The following ZZZ3 variants were observed in gnomAD, a reference collection of about 807,000 sequenced individuals.
The protein encoded by ZZZ3 is ZZ-type zinc finger-containing protein 3.
Under a neutral mutation model 95.2 loss-of-function variants are expected in ZZZ3, and 22 were observed. That is an observed-to-expected ratio of 0.23 (90% CI 0.17 to 0.33). The LOEUF (loss-of-function observed/expected upper bound fraction) is 0.33, where lower values mean the gene tolerates loss of function less well. Ranked by LOEUF, ZZZ3 falls within the 10% of genes least tolerant of loss-of-function variation. The pLI, the probability that ZZZ3 is intolerant of heterozygous loss-of-function variation, is 1.00. For missense variants in ZZZ3, 885 were observed against 1,066.5 expected (o/e 0.83, Z 2.37); for synonymous variants, 335 against 358.9 (o/e 0.93, Z 0.75).
rs372501621 is a variant in ZZZ3 at position 77,580,977 on chromosome 1, C to T, written c.1980+21G>A. On this transcript the variant is annotated intron_variant, in intron 9 of 14. Transcript: ENST00000370801. ...GTTTACTTGTTTTTTTAAGCCTACACGATTTTGAAATATTTATTACCTGTT... is the reference window on the plus strand; with the variant it reads ...GTTTACTTGTTTTTTTAAGCCTACATGATTTTGAAATATTTATTACCTGTT... 121 of 1,607,168 alleles carry T rather than the reference C, an allele frequency of 7.5e-5. 1 individual carries two copies. The African/African-American group carries it at 7.7e-4, about 10-fold the overall frequency.
chr1:77,582,103 T>C lies in ZZZ3; in HGVS notation c.1668A>G (p.Pro556=). ...QKKADIGLPY[P]QRVVQLPEIV... ...TCTCAGGCAATTGAACAACTCTCTG[T>C]GGATATGGAAGCCCAATATCAGCCT... The change falls in exon 7 of 15, where the codon CCA becomes CCG. Residue 556 remains proline (P), a synonymous_variant. Coordinates refer to ENST00000370801, the MANE Select transcript of ZZZ3 (RefSeq NM_015534.6). 1 of 1,610,362 alleles carries C rather than the reference T, an allele frequency of 6.2e-7. No homozygotes were observed. Among genetic ancestry groups the C allele is most frequent in the Non-Finnish European group, 8.5e-7 (1 of 1,178,836 alleles).
intron 1 of ZZZ3, among the ~76,000 whole-genome samples, chr1:77,655,757 A>G (rs1670214464): frequency 6.6e-6 from 1 of 152,228 alleles, no homozygotes; most frequent in South Asian, 2.1e-4. Flanking sequence ...GACTTAGCTC[A>G]GCCTGAACCA....
intron 1 of ZZZ3, among the ~76,000 whole-genome samples, chr1:77,668,047 G>A (rs1400456724): frequency 3.3e-5 from 5 of 151,924 alleles, no homozygotes; most frequent in Non-Finnish European, 7.4e-5. Context: ...GATTACAGGT[G>A]TGAGCCGCTA....
In ZZZ3 at chr1:77,620,859, G is replaced by A. The variant is rs562310541; in HGVS notation, c.1505+10991C>T. Among the ~76,000 whole-genome samples the A allele has an allele frequency of 4.6e-5, 7 of 152,302 alleles. No individual in the cohort carries two copies. In the South Asian group the frequency reaches 1.4e-3, roughly 32 times the overall value. ...AGCAGTGAGTGGGAACACCCAGAGAGAGGATGCAAAGGAAGAACAAAGCCA... is the reference window on the plus strand; with the variant it reads ...AGCAGTGAGTGGGAACACCCAGAGAAAGGATGCAAAGGAAGAACAAAGCCA... On this transcript the variant is annotated intron_variant, in intron 5 of 14. Coordinates refer to ENST00000370801, the MANE Select transcript of ZZZ3 (RefSeq NM_015534.6).
chr1:77,652,752 T>C (rs1432438675), intron 1 of ZZZ3, among the ~76,000 whole-genome samples: 2 of 152,212 alleles, frequency 1.3e-5, no homozygotes, highest in South Asian at 2.1e-4. Flanking sequence ...ATCAACACAA[T>C]GAAATACACT....
In ZZZ3 at chr1:77,632,366, T is replaced by G. The variant is rs759234607; in HGVS notation, c.989A>C (p.Gln330Pro). The change falls in exon 5 of 15, where the codon CAG (glutamine) becomes CCG (proline). Residue 330 changes from glutamine to proline, a missense_variant. Coordinates refer to ENST00000370801, the MANE Select transcript of ZZZ3 (RefSeq NM_015534.6). ...VVGDSSASKE[Q>P]CKENTNNELD... is the part of the protein sequence containing the mutation. ...TTCGTTATTGGTGTTTTCTTTACACTGCTCTTTTGAGGCACTGCTATCTCC... is the reference window on the plus strand; with the variant it reads ...TTCGTTATTGGTGTTTTCTTTACACGGCTCTTTTGAGGCACTGCTATCTCC... 6.2e-7 allele frequency: 1 copy of G among 1,614,192 alleles called. No individual in the cohort carries two copies. The highest frequency in any genetic ancestry group is 8.5e-7 in the Non-Finnish European group (1 of 1,180,014).
chr1:77,598,703 C>T (rs570458812), intron 5 of ZZZ3, among the ~76,000 whole-genome samples: 19 of 152,160 alleles, frequency 1.2e-4, no homozygotes, highest in South Asian at 4.2e-4. Context: ...CCACCAGTTC[C>T]GGAACTCAAC....
intron 4 of ZZZ3, among the ~76,000 whole-genome samples, chr1:77,639,063 G>A (rs1373372463): frequency 7.1e-6 from 1 of 139,928 alleles, no homozygotes; most frequent in Non-Finnish European, 1.6e-5. Flanking sequence ...ATGACAGATG[G>A]TCGGTAGGTA....
At chr1:77,649,083 C>T (rs914197113) in intron 1 of ZZZ3, among the ~76,000 whole-genome samples, 6 of 152,002 alleles carry the variant, frequency 3.9e-5, no homozygotes, top group Non-Finnish European at 1.5e-5. Context: ...GCCGAGATTG[C>T]ACCACTTCAC....
At chr1:77,568,641 C>CT (rs11355685) in intron 12 of ZZZ3, among the ~76,000 whole-genome samples, 175 bp from the exon 13 acceptor site, 2,027 of 125,806 alleles carry the variant, frequency 0.016, 40 homozygotes, top group South Asian at 0.11. Context: ...TGCTTTTGGA[C>CT]TTTTTTTTTT....
intron 5 of ZZZ3, among the ~76,000 whole-genome samples, chr1:77,618,662 T>G (rs1007011469): frequency 2.6e-5 from 4 of 152,214 alleles, no homozygotes; most frequent in African/African-American, 9.7e-5. Context: ...ACCCCTTTGT[T>G]GTTTGAGATA....
chr1:77,576,032 C>T (rs748539650), intron 12 of ZZZ3, 36 bp downstream of exon 12: 3 of 1,536,272 alleles, frequency 2.0e-6, no homozygotes, highest in South Asian at 2.6e-5. Flanking sequence ...TCTTCTATAC[C>T]TTGATGTATA....
chr1:77,612,330 A>ACATTTC (rs1328902702), intron 5 of ZZZ3, among the ~76,000 whole-genome samples: 1 of 152,020 alleles, frequency 6.6e-6, no homozygotes, highest in Non-Finnish European at 1.5e-5. Flanking sequence ...AAACCTTAGC[A>ACATTTC]CACTGTTGGT....
At chr1:77,668,146 G>A (rs1255479604) in intron 1 of ZZZ3, among the ~76,000 whole-genome samples, 2 of 151,976 alleles carry the variant, frequency 1.3e-5, no homozygotes, top group African/African-American at 4.8e-5. Flanking sequence ...GATTACTCAC[G>A]TTTTTCTTCC....
At chr1:77,615,130 C>T (rs1405882340) in intron 5 of ZZZ3, among the ~76,000 whole-genome samples, 1 of 152,178 alleles carries the variant, frequency 6.6e-6, no homozygotes, top group Non-Finnish European at 1.5e-5. Context: ...CCAAACAATT[C>T]AAGGAAGCTT....
intron 4 of ZZZ3, 110 bp downstream of exon 4, chr1:77,639,339 G>C: frequency 3.7e-6 from 3 of 800,992 alleles, no homozygotes; most frequent in Non-Finnish European, 5.4e-6. Flanking sequence ...ACTACAAGTT[G>C]CCACCCAGAG....
At chr1:77,617,840 G>A (rs1557730463) in intron 5 of ZZZ3, among the ~76,000 whole-genome samples, 2 of 151,932 alleles carry the variant, frequency 1.3e-5, no homozygotes, top group Non-Finnish European at 2.9e-5. Context: ...AGCTACTTGG[G>A]AGGCTGAGGC....
chr1:77,640,594 C>G (rs1422326802), intron 3 of ZZZ3, among the ~76,000 whole-genome samples: 1 of 135,150 alleles, frequency 7.4e-6, no homozygotes, highest in South Asian at 2.3e-4. Flanking sequence ...GAGCAAAACT[C>G]AGTCTCAAAA....
At chr1:77,609,183 C>T (rs941038369) in intron 5 of ZZZ3, among the ~76,000 whole-genome samples, 5 of 151,604 alleles carry the variant, frequency 3.3e-5, no homozygotes, top group South Asian at 2.1e-4. Context: ...GAAAATAAAG[C>T]GATGAAAAAA....
Sources: allele counts gnomAD v4.1 joint callset (sites outside exome capture counted in the v4.1 genomes callset), GRCh38; gene constraint gnomAD v4.1.1; transcripts MANE v1.5; gene names NCBI Gene and HGNC (gene_info 2026-07-23, HGNC 2026-07-21).